Variants in BPTF observed in about 807,000 individuals in gnomAD.
The protein encoded by BPTF is bromodomain PHD finger transcription factor.
Under a neutral mutation model 292.5 loss-of-function variants are expected in BPTF, and 18 were observed. The ratio of observed to expected loss-of-function variants is 0.06; its 90% CI spans 0.04 to 0.09. The LOEUF (loss-of-function observed/expected upper bound fraction) is 0.09. BPTF is among the 10% of genes least tolerant of loss of function. The probability of loss-of-function intolerance (pLI) is 1.00; values close to 1 mark genes in which losing one functional copy is unlikely to be tolerated. For missense variants in BPTF, 2,726 were observed against 3,498.7 expected (o/e 0.78, Z 5.57); for synonymous variants, 1,225 against 1,251.9 (o/e 0.98, Z 0.45).
chr17:67,904,450 G>T (rs1446270062), intron 8 of BPTF, among the ~76,000 whole-genome samples: 1 of 152,328 alleles, frequency 6.6e-6, no homozygotes, highest in East Asian at 1.9e-4. Flanking sequence ...TGTTGAAATT[G>T]TTATAAAACT....
At chr17:67,982,231 C>T (rs2070510378) in intron 27 of BPTF, 21 bp from the exon 28 acceptor site, 3 of 1,606,138 alleles carry the variant, frequency 1.9e-6, no homozygotes, top group Non-Finnish European at 2.6e-6. Context: ...TTAATTGTTC[C>T]CTTTTTTCTA....
chr17:67,892,128 T>C, intron 5 of BPTF, 94 bp downstream of exon 5: 1 of 933,156 alleles, frequency 1.1e-6, no homozygotes, highest in Non-Finnish European at 1.5e-6. Flanking sequence ...TTGTAGAAAT[T>C]TGTAGACCTA....
chr17:67,920,273 G>A, intron 13 of BPTF, 130 bp downstream of exon 13: 1 of 1,019,454 alleles, frequency 9.8e-7, no homozygotes, highest in Admixed American at 2.7e-5. Context: ...ACCAAATTTT[G>A]AAAATGATAT....
At chr17:67,969,935 A>G (rs1222073476) in intron 26 of BPTF, among the ~76,000 whole-genome samples, 1 of 152,100 alleles carries the variant, frequency 6.6e-6, no homozygotes, top group Admixed American at 6.6e-5. Context: ...TCAAATAAAT[A>G]AATAAAAACA....
chr17:67,884,424 T>TCC (rs1567975877), intron 4 of BPTF, among the ~76,000 whole-genome samples: 4 of 150,864 alleles, frequency 2.7e-5, no homozygotes, highest in African/African-American at 9.7e-5. Context: ...CCCCTCCCTT[T>TCC]TTTTTTTTTC....
intron 9 of BPTF, among the ~76,000 whole-genome samples, chr17:67,907,185 CAA>C (rs34520139): frequency 1.3e-4 from 12 of 92,788 alleles, no homozygotes; most frequent in Admixed American, 2.4e-4. Context: ...ACACTGTCTC[CAA>C]AAAAAAAAAA....
intron 1 of BPTF, among the ~76,000 whole-genome samples, chr17:67,849,942 GAA>G (rs546394208): frequency 6.1e-5 from 9 of 147,478 alleles, no homozygotes; most frequent in African/African-American, 2.0e-4. Flanking sequence ...CTCCATCTCA[GAA>G]AAAAAAAAAT....
chr17:67,904,681 A>G (rs1390243080), intron 8 of BPTF, 21 bp from the exon 9 acceptor site: 1 of 1,571,498 alleles, frequency 6.4e-7, no homozygotes, highest in East Asian at 2.3e-5. Flanking sequence ...TGTTTAATCA[A>G]AATGTTTTCA....
chr17:67,942,599 C>T (rs1598811689), intron 19 of BPTF, among the ~76,000 whole-genome samples: 1 of 152,098 alleles, frequency 6.6e-6, no homozygotes, highest in African/African-American at 2.4e-5. Context: ...TGTGTATGCC[C>T]AAGGTCCCAG....
intron 7 of BPTF, among the ~76,000 whole-genome samples, chr17:67,902,907 A>G (rs1013722734): frequency 4.6e-5 from 7 of 152,244 alleles, no homozygotes; most frequent in African/African-American, 9.6e-5. Context: ...TCTTAGAGAC[A>G]AGAGCTCCTT....
At chr17:67,895,812 AAAAC>A (rs1190450386) in intron 7 of BPTF, among the ~76,000 whole-genome samples, 3 of 152,144 alleles carry the variant, frequency 2.0e-5, no homozygotes, top group East Asian at 1.9e-4. Flanking sequence ...TGGTTTGACA[AAAAC>A]AAAGTTAAAA....
At chr17:67,937,052 A>G (rs2147727022) in intron 18 of BPTF, among the ~76,000 whole-genome samples, 1 of 152,340 alleles carries the variant, frequency 6.6e-6, no homozygotes, top group Non-Finnish European at 1.5e-5. Flanking sequence ...CCCTCATGAA[A>G]CTTATAGTCT....
At chr17:67,886,380 T>C in intron 4 of BPTF, 1 of 1,150,622 alleles carries the variant, frequency 8.7e-7, no homozygotes. Flanking sequence ...TTTTTTTGTG[T>C]GTGTGTGTGT....
intron 10 of BPTF, 37 bp from the exon 11 acceptor site, chr17:67,910,840 T>A: frequency 1.4e-6 from 2 of 1,406,030 alleles, no homozygotes; most frequent in Non-Finnish European, 9.4e-7. Flanking sequence ...CCTTTCAGAG[T>A]AAAAATTACA....
In BPTF at chr17:67,911,973, G is replaced by A. The variant is rs768855910; in HGVS notation, c.4089G>A (p.Gln1363=). ...AAGCAAATGGTAAAAAACCAAGTCA[G>A]CAGAAGAAATTAGAGGAGAGACCAG... is the stretch of plus-strand genomic sequence containing the variant. ...GTEANGKKPS[Q]QKKLEERPVN... is the part of the protein sequence containing the mutation. Residue 1363 remains glutamine, a synonymous_variant, in exon 11 of 28, where the codon CAG becomes CAA. Coordinates refer to ENST00000306378, the MANE Select transcript of BPTF (RefSeq NM_182641.4). 10 of 1,614,030 alleles carry A rather than the reference G, an allele frequency of 6.2e-6. No individual in the cohort carries two copies. The highest frequency in any genetic ancestry group is 8.5e-6 in the Non-Finnish European group (10 of 1,179,974).
In BPTF at chr17:67,825,706, C is replaced by G. The variant is rs2055926021; in HGVS notation, c.-19C>G. The G allele has an allele frequency of 7.7e-6, 8 of 1,035,772 alleles. No individual in the cohort carries two copies. The South Asian group carries it at 2.9e-4, about 37-fold the overall frequency. The allele number at this position is 1,035,772 out of a possible 1,614,324, so 64.2% of individuals were successfully genotyped here. ...CCCCTCCCCCTTCGCTTTCCTTCTCCCCCCGCCTCGGCTCCGACATGAGGG... is the reference window on the plus strand; with the variant it reads ...CCCCTCCCCCTTCGCTTTCCTTCTCGCCCCGCCTCGGCTCCGACATGAGGG... On this transcript the variant is annotated 5_prime_UTR_variant, in exon 1 of 28. Transcript: ENST00000306378.
intron 2 of BPTF, among the ~76,000 whole-genome samples, chr17:67,856,313 A>T (rs989309647): frequency 6.6e-6 from 1 of 151,602 alleles, no homozygotes; most frequent in African/African-American, 2.4e-5. Flanking sequence ...ATCTTCCTTT[A>T]AAAAAAATAG....
At chr17:67,944,039 T>C (rs558299800) in intron 19 of BPTF, 111 bp from the exon 20 acceptor site, 44 of 827,056 alleles carry the variant, frequency 5.3e-5, no homozygotes, top group South Asian at 2.1e-4. Context: ...CATTCAAATA[T>C]GTATTTTCAT....
intron 8 of BPTF, 104 bp downstream of exon 8, chr17:67,904,022 T>A: frequency 5.0e-6 from 5 of 1,001,730 alleles, no homozygotes; most frequent in Non-Finnish European, 5.8e-6. Context: ...AGTCTTTGTA[T>A]TTTATTTATT....
Sources: gnomAD v4.1 joint callset for allele counts (sites outside exome capture counted in the v4.1 genomes callset) on GRCh38, gnomAD v4.1.1 for gene constraint, MANE v1.5 for transcripts, NCBI Gene and HGNC (gene_info 2026-07-23, HGNC 2026-07-21) for gene names.